GIN1: variants seen among roughly 807,000 people sequenced by gnomAD.
GIN1 encodes gypsy retrotransposon integrase 1.
A neutral mutation model predicts 51.4 loss-of-function variants in GIN1; 41 were observed. The observed-to-expected ratio is 0.80, with a 90% CI of 0.62 to 1.04. The LOEUF (loss-of-function observed/expected upper bound fraction) is 1.04, where lower values mean the gene tolerates loss of function less well. Ranked by LOEUF, GIN1 falls within the 50% of genes least tolerant of loss-of-function variation. The pLI is 0.00. For missense variants in GIN1, 610 were observed against 612.4 expected (o/e 1.00, Z 0.04); for synonymous variants, 222 against 206.5 (o/e 1.07, Z -0.64).
intron 4 of GIN1, 62 bp from the exon 5 acceptor site, chr5:103,097,843 T>TA: frequency 3.7e-5 from 26 of 699,964 alleles, no homozygotes; most frequent in Non-Finnish European, 4.1e-5. Flanking sequence ...TCCATTGACT[T>TA]AAAAAAAAGC....
intron 2 of GIN1, among the ~76,000 whole-genome samples, chr5:103,107,230 A>C (rs1787752560): frequency 6.6e-6 from 1 of 152,096 alleles, no homozygotes; most frequent in Non-Finnish European, 1.5e-5. Flanking sequence ...CAAAGTAGGA[A>C]GATTTTGCAG....
chr5:103,091,084 C>T (rs952237984), intron 7 of GIN1, among the ~76,000 whole-genome samples: 2 of 152,104 alleles, frequency 1.3e-5, no homozygotes, highest in Admixed American at 6.5e-5. Context: ...AAAAAAAATT[C>T]TCATTCATTT....
chr5:103,107,826 G>T (rs1461833222), intron 2 of GIN1, among the ~76,000 whole-genome samples: 1 of 152,044 alleles, frequency 6.6e-6, no homozygotes, highest in South Asian at 2.1e-4. Flanking sequence ...TATTGGTAGG[G>T]ATATACACAG....
chr5:103,097,517 T>G, intron 5 of GIN1, 27 bp from the exon 6 acceptor site: 1 of 1,496,358 alleles, frequency 6.7e-7, no homozygotes, highest in Non-Finnish European at 9.2e-7. Context: ...AAACGTCAAT[T>G]TTGTAATAAA....
At chr5:103,096,039 A>T (rs1300263694) in intron 7 of GIN1, among the ~76,000 whole-genome samples, 2 of 152,176 alleles carry the variant, frequency 1.3e-5, no homozygotes, top group Non-Finnish European at 2.9e-5. Context: ...TGAAAAACAT[A>T]CTAGAAATAA....
chr5:103,117,581 T>TATACACACACACAC (rs5870042), intron 1 of GIN1, among the ~76,000 whole-genome samples: 93 of 149,488 alleles, frequency 6.2e-4, no homozygotes, highest in African/African-American at 2.1e-3. Flanking sequence ...GAAAAAAATA[T>TATACACACACACAC]ACACACACAC....
chr5:103,115,225 T>C (rs576301510), intron 1 of GIN1, among the ~76,000 whole-genome samples: 7 of 152,256 alleles, frequency 4.6e-5, no homozygotes, highest in Admixed American at 2.0e-4. Context: ...TTAAAAGTTT[T>C]GACAGTCATG....
intron 2 of GIN1, 81 bp from the exon 3 acceptor site, chr5:103,106,990 A>G (rs2151472750): frequency 1.4e-6 from 1 of 709,742 alleles, no homozygotes; most frequent in East Asian, 2.9e-5. Context: ...CCTTCTCTTT[A>G]AACCATGAAG....
chr5:103,094,733 A>G (rs578205743), intron 7 of GIN1, among the ~76,000 whole-genome samples: 1 of 152,346 alleles, frequency 6.6e-6, no homozygotes, highest in South Asian at 2.1e-4. Context: ...AAATCATGCT[A>G]AAGAAGCTAG....
At chr5:103,097,263 T>C (rs1554195178) in intron 6 of GIN1, 51 bp downstream of exon 6, 3 of 1,109,028 alleles carry the variant, frequency 2.7e-6, no homozygotes, top group East Asian at 2.5e-5. Context: ...TAAAAATAAA[T>C]ATAACTTTTA....
rs782225893 is a variant in GIN1, at chr5:103,096,601, G to C, written c.1234C>G (p.Leu412Val). Residue 412 changes from leucine (L) to valine (V), a missense_variant, in exon 7 of 8, where the codon CTG becomes GTG. Physicochemically the swap from Leu to Val is conservative, Grantham distance 32. Coordinates refer to ENST00000399004, the MANE Select transcript of GIN1 (RefSeq NM_017676.2). The stretch of plus-strand genomic sequence containing the variant: ...TGGGACATTTTGATAGGTCTTTTCA[G>C]TCTAACCCCAGTGTTGTCTCTCAGG... Reference protein sequence around the residue: ...AVLRDNTGVRLKRPIKMSHLK... With the variant: ...AVLRDNTGVRVKRPIKMSHLK... 3.1e-6 allele frequency: 5 copies of C among 1,613,424 alleles called. No individual in the cohort carries two copies. The highest frequency in any genetic ancestry group is 3.4e-6 in the Non-Finnish European group (4 of 1,179,488).
chr5:103,106,157 T>G (rs1409798121), intron 3 of GIN1, among the ~76,000 whole-genome samples: 3 of 152,128 alleles, frequency 2.0e-5, no homozygotes, highest in African/African-American at 7.2e-5. Context: ...AACCCCAAAA[T>G]TCCTATAGGT....
At chr5:103,117,494 A>G (rs1242634766) in intron 1 of GIN1, among the ~76,000 whole-genome samples, 1 of 151,496 alleles carries the variant, frequency 6.6e-6, no homozygotes, top group African/African-American at 2.4e-5. Flanking sequence ...AGGTCATTTG[A>G]TATTAGCACT....
chr5:103,119,349 T>C (rs181179558), intron 1 of GIN1, among the ~76,000 whole-genome samples: 82 of 152,334 alleles, frequency 5.4e-4, no homozygotes, highest in African/African-American at 1.6e-3. Context: ...CGCACAATTT[T>C]ATGCAACGTC....
chr5:103,092,978 GAGAA>G (rs1257507979), intron 7 of GIN1, among the ~76,000 whole-genome samples: 1 of 104,436 alleles, frequency 9.6e-6, no homozygotes, highest in Non-Finnish European at 2.1e-5. Context: ...AAGGAAAAAA[GAGAA>G]AGAAAAAAAA....
intron 1 of GIN1, among the ~76,000 whole-genome samples, chr5:103,117,963 G>T (rs1788091093): frequency 6.6e-6 from 1 of 152,020 alleles, no homozygotes; most frequent in South Asian, 2.1e-4. Flanking sequence ...CTTGGTTCAG[G>T]CCTCTGTTAC....
At chr5:103,098,512 T>C (rs1474141816) in intron 4 of GIN1, among the ~76,000 whole-genome samples, 1 of 152,168 alleles carries the variant, frequency 6.6e-6, no homozygotes, top group Non-Finnish European at 1.5e-5. Flanking sequence ...AGACAGGGTC[T>C]TGCTCTGTCG....
At chr5:103,097,844 A>T (rs1554195328) in intron 4 of GIN1, 63 bp from the exon 5 acceptor site, 6 of 677,026 alleles carry the variant, frequency 8.9e-6, no homozygotes, top group Middle Eastern at 2.6e-4. Flanking sequence ...CCATTGACTT[A>T]AAAAAAAGCT....
At chr5:103,109,766 C>T (rs257318) in intron 1 of GIN1, among the ~76,000 whole-genome samples, 49,139 of 151,870 alleles carry the variant, frequency 0.32, 8,218 homozygotes, top group East Asian at 0.45. Context: ...TAGATGGCTG[C>T]ATCCCAAACC....
Sources: gnomAD v4.1 joint callset for allele counts (sites outside exome capture counted in the v4.1 genomes callset) on GRCh38, gnomAD v4.1.1 for gene constraint, MANE v1.5 for transcripts, NCBI Gene and HGNC (gene_info 2026-07-23, HGNC 2026-07-21) for gene names.